Variants in PPP1R16B observed in about 807,000 individuals in gnomAD.
The protein encoded by PPP1R16B is protein phosphatase 1 regulatory subunit 16B, also known as protein phosphatase 1 regulatory inhibitor subunit 16B.
PPP1R16B carries 14 observed loss-of-function variants against 61.7 expected under a neutral mutation model. That is an observed-to-expected ratio of 0.23 (90% CI 0.15 to 0.35). The LOEUF (loss-of-function observed/expected upper bound fraction) is 0.35, where lower values mean the gene tolerates loss of function less well. Ranked by LOEUF, PPP1R16B falls within the 10% of genes least tolerant of loss-of-function variation. The pLI is 1.00. For missense variants in PPP1R16B, 547 were observed against 752.5 expected, an observed-to-expected ratio of 0.73 and a Z score of 3.19; for synonymous variants, 266 against 305.3, an observed-to-expected ratio of 0.87 and a Z score of 1.34.
At chr20:38,875,022 A>G (rs2085156514) in intron 2 of PPP1R16B, among the ~76,000 whole-genome samples, 1 of 152,244 alleles carries the variant, frequency 6.6e-6, no homozygotes, top group Non-Finnish European at 1.5e-5. Context: ...CAGGCTTGTT[A>G]GATGCTGATA....
intron 1 of PPP1R16B, among the ~76,000 whole-genome samples, chr20:38,832,586 C>A (rs771486072): frequency 1.6e-4 from 25 of 152,326 alleles, no homozygotes; most frequent in South Asian, 1.0e-3. Context: ...ATGAAACCAG[C>A]ACAGCCATTC....
intron 6 of PPP1R16B, among the ~76,000 whole-genome samples, chr20:38,905,007 G>A (rs890839690): frequency 6.6e-6 from 1 of 152,158 alleles, no homozygotes; most frequent in African/African-American, 2.4e-5. Context: ...TATTTTGGGG[G>A]CAAATTGAAC....
intron 2 of PPP1R16B, among the ~76,000 whole-genome samples, chr20:38,865,269 T>G (rs1446022665): frequency 1.4e-5 from 2 of 144,470 alleles, no homozygotes; most frequent in Non-Finnish European, 3.0e-5. Context: ...CCCTGTGCCA[T>G]GTACACTGCT....
At chr20:38,903,988 T>C (rs1375341096) in intron 6 of PPP1R16B, among the ~76,000 whole-genome samples, 1 of 152,174 alleles carries the variant, frequency 6.6e-6, no homozygotes, top group Non-Finnish European at 1.5e-5. Flanking sequence ...TCGAGCTCAC[T>C]AGATAGGGCT....
chr20:38,892,361 C>T (rs1247392579), intron 3 of PPP1R16B, among the ~76,000 whole-genome samples: 2 of 152,020 alleles, frequency 1.3e-5, no homozygotes, highest in African/African-American at 2.4e-5. Flanking sequence ...GGCGGGAACT[C>T]GCCAGGCTCC....
At chr20:38,884,216 G>C (rs549370902) in intron 2 of PPP1R16B, among the ~76,000 whole-genome samples, 1 of 152,358 alleles carries the variant, frequency 6.6e-6, no homozygotes, top group East Asian at 1.9e-4. Flanking sequence ...GACCCCTGGC[G>C]TGGCTGAGCA....
Position 38,898,746 on chromosome 20 carries a change from G to T in PPP1R16B, c.468-1835G>T, listed in dbSNP as rs189725181. Among the ~76,000 whole-genome samples, 122 of 152,206 alleles carry T rather than the reference G, an allele frequency of 8.0e-4. 1 individual carries two copies. The highest frequency in any genetic ancestry group is 2.9e-3 in the African/African-American group (120 of 41,498). On this transcript the variant is annotated intron_variant, in intron 4 of 10. Transcript: ENST00000299824. ...AACTGCTTGAACCTGGGAGGCGGAG[G>T]TTGCAGTGAGCTGAGTTTGAGCCAC...
chr20:38,918,637 A>G lies in PPP1R16B; in HGVS notation c.1675A>G (p.Lys559Glu). The change falls in exon 11 of 11, where the codon AAG becomes GAG. Residue 559 changes from lysine to glutamate, a missense_variant. Lys to Glu is a moderately conservative substitution (Grantham distance 56). Coordinates refer to ENST00000299824, the MANE Select transcript of PPP1R16B (RefSeq NM_015568.4). This position sits in a 1 kb window ranked among gnomAD's most constrained non-coding sequence, Gnocchi z 5.3. ...GGCCCCCATAGAGGAGATGGAGGAG[A>G]AGGTGCATGGCTGTTGCCGTATCTC... ...FKAPIEEMEEKVHGCCRIS is the reference protein window; with the variant it reads ...FKAPIEEMEEEVHGCCRIS 1 of 1,517,250 alleles carries G rather than the reference A, an allele frequency of 6.6e-7. No homozygotes were observed. The highest frequency in any genetic ancestry group is 8.8e-7 in the Non-Finnish European group (1 of 1,133,942). 94.0% of individuals were successfully genotyped at this position (1,517,250 alleles called of 1,614,324 possible).
At position 38,918,360 on chromosome 20, in the gene PPP1R16B, C is replaced by T; in HGVS notation, c.1398C>T (p.Thr466=). The T allele has an allele frequency of 6.2e-7, 1 of 1,614,140 alleles. No homozygotes were observed. ...AYGNPGVADA[T]PPWSSYKEQS... is the part of the protein sequence containing the mutation. Reference sequence around the variant, plus strand: ...GCAACCCTGGCGTGGCCGACGCCACCCCGCCCTGGAGCAGCTACAAGGAAC... The same window carrying T: ...GCAACCCTGGCGTGGCCGACGCCACTCCGCCCTGGAGCAGCTACAAGGAAC... The change falls in exon 11 of 11, where the codon ACC becomes ACT. Residue 466 remains threonine, a synonymous_variant. Coordinates refer to ENST00000299824, the MANE Select transcript of PPP1R16B (RefSeq NM_015568.4). This position sits in a 1 kb window ranked among gnomAD's most constrained non-coding sequence, Gnocchi z 5.3.
At chr20:38,909,748 G>A (rs1326816735) in intron 10 of PPP1R16B, among the ~76,000 whole-genome samples, 1 of 152,216 alleles carries the variant, frequency 6.6e-6, no homozygotes, top group Non-Finnish European at 1.5e-5. Flanking sequence ...CTCACCAGGA[G>A]GTGTGAAGGT....
At chr20:38,902,598 T>A in intron 5 of PPP1R16B, 70 bp from the exon 6 acceptor site, 1 of 1,598,844 alleles carries the variant, frequency 6.3e-7, no homozygotes, top group Non-Finnish European at 8.5e-7. Context: ...GCCTCCCTCA[T>A]CTGCCTTCCC....
At chr20:38,878,836 G>C (rs771596445) in intron 2 of PPP1R16B, among the ~76,000 whole-genome samples, 1 of 152,188 alleles carries the variant, frequency 6.6e-6, no homozygotes, top group Non-Finnish European at 1.5e-5. Context: ...TTACTTGCCT[G>C]GAGATATAAA....
chr20:38,867,523 C>T (rs1379431169), intron 2 of PPP1R16B, among the ~76,000 whole-genome samples: 3 of 152,206 alleles, frequency 2.0e-5, no homozygotes, highest in African/African-American at 7.2e-5. Flanking sequence ...TAATAATACA[C>T]TACCTACTTA....
chr20:38,814,186 A>T (rs1404174605), intron 1 of PPP1R16B, among the ~76,000 whole-genome samples: 2 of 152,186 alleles, frequency 1.3e-5, no homozygotes, highest in African/African-American at 4.8e-5. Context: ...ACAGCCAGTA[A>T]ATGGAAAAGT....
intron 3 of PPP1R16B, among the ~76,000 whole-genome samples, chr20:38,893,994 C>A (rs1295791357): frequency 6.6e-6 from 1 of 152,170 alleles, no homozygotes; most frequent in Non-Finnish European, 1.5e-5. Flanking sequence ...CTCTGCCGGC[C>A]GCGCCGTGCT....
At chr20:38,915,277 T>C (rs2085524985) in intron 10 of PPP1R16B, among the ~76,000 whole-genome samples, 1 of 152,096 alleles carries the variant, frequency 6.6e-6, no homozygotes, top group South Asian at 2.1e-4. Flanking sequence ...CTCTCGCCAC[T>C]TGGTTTAGGT....
intron 10 of PPP1R16B, among the ~76,000 whole-genome samples, chr20:38,910,203 T>A (rs1269650270): frequency 6.6e-6 from 1 of 152,122 alleles, no homozygotes; most frequent in Non-Finnish European, 1.5e-5. Context: ...GGTGTTGAAG[T>A]TCTGACCTCA....
In PPP1R16B at chr20:38,905,952, T is replaced by A. The variant is rs764944025; in HGVS notation, c.697-17T>A. 8.1e-6 allele frequency: 13 copies of A among 1,610,654 alleles called. No homozygotes were observed. The highest frequency in any genetic ancestry group is 1.1e-5 in the Non-Finnish European group (13 of 1,178,586). The stretch of plus-strand genomic sequence containing the variant: ...GCTGATCCCCTGAGGAATGCTCACT[T>A]CTTTCCTCTCCTCCAGCTGCACATA... On this transcript the variant is annotated splice_polypyrimidine_tract_variant and intron_variant, in intron 6 of 10. Coordinates refer to ENST00000299824, the MANE Select transcript of PPP1R16B (RefSeq NM_015568.4).
At chr20:38,901,764 T>G (rs140722306) in intron 5 of PPP1R16B, among the ~76,000 whole-genome samples, 1 of 152,348 alleles carries the variant, frequency 6.6e-6, no homozygotes, top group African/African-American at 2.4e-5. Context: ...AGGAAGCCAA[T>G]TATATTAAAG....
Sources: allele counts gnomAD v4.1 joint callset (sites outside exome capture counted in the v4.1 genomes callset), GRCh38; gene constraint gnomAD v4.1.1; non-coding constraint Gnocchi (gnomAD v3.1); transcripts MANE v1.5; gene names NCBI Gene and HGNC (gene_info 2026-07-23, HGNC 2026-07-21).